The following GPAM variants were observed in gnomAD, a reference collection of about 807,000 sequenced individuals.
GPAM encodes glycerol-3-phosphate acyltransferase 1, mitochondrial.
A neutral mutation model predicts 105.0 loss-of-function variants in GPAM; 56 were observed. That is an observed-to-expected ratio of 0.53 (90% CI 0.43 to 0.67). GPAM has a LOEUF of 0.67. Among genes scored for constraint, GPAM ranks in the 30% least tolerant of loss-of-function variants. The pLI is 0.00. For synonymous variants in GPAM, 368 were observed against 354.4 expected (o/e 1.04, Z -0.43); for missense variants, 855 against 989.8 (o/e 0.86, Z 1.83).
chr10:112,194,022 C>G (rs890384330), intron 1 of GPAM, among the ~76,000 whole-genome samples: 1 of 152,196 alleles, frequency 6.6e-6, no homozygotes, highest in African/African-American at 2.4e-5. Context: ...TAACAAACGT[C>G]TTAGTCTTGA....
upstream of GPAM, among the ~76,000 whole-genome samples, chr10:112,217,003 T>C (rs1847977978): frequency 6.6e-6 from 1 of 152,068 alleles, no homozygotes; most frequent in South Asian, 2.1e-4. Context: ...CTCATTGAAA[T>C]ATAATGCACA....
chr10:112,173,847 T>C lies in GPAM; in HGVS notation c.414-2A>G. On this transcript the variant is annotated splice_acceptor_variant, in intron 6 of 21. Transcript: ENST00000348367. LOFTEE classifies it high-confidence loss of function. ...ACTTCTGCAATTGCCTCTTGTACTC[T>C]GGTATGAAAATGGAAAAAGAGACAA... 7 of 1,609,394 alleles carry C rather than the reference T, an allele frequency of 4.3e-6. No individual in the cohort carries two copies. The highest frequency in any genetic ancestry group is 6.0e-6 in the Non-Finnish European group (7 of 1,175,726).
intron 5 of GPAM, among the ~76,000 whole-genome samples, chr10:112,176,113 T>C (rs986678887): frequency 2.0e-5 from 3 of 152,252 alleles, no homozygotes; most frequent in Non-Finnish European, 4.4e-5. Flanking sequence ...AAGATAAATT[T>C]GGAAGTCTTT....
chr10:112,170,767 C>A (rs1052632624), intron 9 of GPAM, among the ~76,000 whole-genome samples: 2 of 152,240 alleles, frequency 1.3e-5, no homozygotes, highest in African/African-American at 2.4e-5. Context: ...AGCTAGCTGT[C>A]TGTCTACATT....
chr10:112,170,749 G>A lies in GPAM; in HGVS notation c.794+1433C>T, dbSNP rs545804766. Among the ~76,000 whole-genome samples the A allele has an allele frequency of 7.3e-4, 111 of 152,240 alleles. 1 individual carries two copies. The highest frequency in any genetic ancestry group is 2.5e-3 in the African/African-American group (105 of 41,554). ...TCTACCCTGTAGAATCATATCACACGCTATTACAGCTAGCTGTCTGTCTAC... is the reference window on the plus strand; with the variant it reads ...TCTACCCTGTAGAATCATATCACACACTATTACAGCTAGCTGTCTGTCTAC... On this transcript the variant is annotated intron_variant, in intron 9 of 21. Coordinates refer to ENST00000348367, the MANE Select transcript of GPAM (RefSeq NM_001244949.2).
At chr10:112,167,161 A>G (rs17129577) in intron 11 of GPAM, among the ~76,000 whole-genome samples, 3,057 of 152,222 alleles carry the variant, frequency 0.02, 110 homozygotes, top group African/African-American at 0.07. Context: ...TTGTAAGCCT[A>G]TCACTTAATT....
chr10:112,177,946 T>G, intron 5 of GPAM, 38 bp downstream of exon 5: 1 of 1,099,252 alleles, frequency 9.1e-7, no homozygotes, highest in Non-Finnish European at 1.4e-6. Flanking sequence ...AAGTTTTTCT[T>G]TTGAGATGTA....
intron 12 of GPAM, among the ~76,000 whole-genome samples, chr10:112,165,558 C>T (rs1345033772): frequency 3.9e-5 from 6 of 152,144 alleles, no homozygotes; most frequent in Admixed American, 1.3e-4. Flanking sequence ...GGTGTGGTAG[C>T]GGGCACCTGT....
rs1300583218 is a variant in GPAM, at chr10:112,172,977, G to C, written c.650C>G (p.Ala217Gly). The C allele has an allele frequency of 1.3e-6, 2 of 1,562,184 alleles. No individual in the cohort carries two copies. The highest frequency in any genetic ancestry group is 4.5e-5 in the East Asian group (2 of 44,644). ...HKGQLEMVKA[A>G]TETNLPLLFL... Reference sequence around the variant, plus strand: ...ATTCACAGAAATTCTTGCCTCAGTTGCAGCTTTAACCATCTCAAGTTGACC... The same window carrying C: ...ATTCACAGAAATTCTTGCCTCAGTTCCAGCTTTAACCATCTCAAGTTGACC... The change falls in exon 8 of 22, where the codon GCA becomes GGA. Residue 217 changes from alanine to glycine, a missense_variant. Transcript: ENST00000348367.
chr10:112,225,859 T>C, the GPAM span, among the ~76,000 whole-genome samples: 1 of 152,198 alleles, frequency 6.6e-6, no homozygotes, highest in Non-Finnish European at 1.5e-5. Context: ...CGGTGTTCCC[T>C]TCATCTAGAA....
rs760357271 is a variant in GPAM at position 112,163,824 on chromosome 10, G to A, written c.1308-8C>T. On this transcript the variant is annotated splice_region_variant and splice_polypyrimidine_tract_variant and intron_variant, in intron 13 of 21. Transcript: ENST00000348367. The stretch of plus-strand genomic sequence containing the variant: ...TCAGCAGCATCACTGGGTCTAAAAA[G>A]TGTTTCAAAAATCAACACACAACCG... 6.9e-7 allele frequency: 1 copy of A among 1,444,644 alleles called. No homozygotes were observed. 89.5% of individuals were successfully genotyped at this position (1,444,644 alleles called of 1,614,324 possible).
chr10:112,164,797 G>A (rs1161852863), intron 12 of GPAM, among the ~76,000 whole-genome samples, 187 bp from the exon 13 acceptor site: 1 of 152,198 alleles, frequency 6.6e-6, no homozygotes, highest in Admixed American at 6.5e-5. Context: ...ATGCTGCTAA[G>A]CATGAAACTG....
In GPAM at chr10:112,168,453, T is replaced by C. The variant is rs761535562; in HGVS notation, c.966A>G (p.Gly322=). 43 of 1,612,694 alleles carry C rather than the reference T, an allele frequency of 2.7e-5. 1 individual carries two copies. The South Asian group carries it at 4.1e-4, about 15-fold the overall frequency. ...IFLEGTRSRS[G]KTSCARAGLL... ...GTCCTGCCCGAGCACAAGAGGTTTTTCCACTCCTAGAACGTGTGCCTTCCA... is the reference window on the plus strand; with the variant it reads ...GTCCTGCCCGAGCACAAGAGGTTTTCCCACTCCTAGAACGTGTGCCTTCCA... The change falls in exon 11 of 22, where the codon GGA becomes GGG. Residue 322 remains glycine, a synonymous_variant. Transcript: ENST00000348367.
At chr10:112,161,625 C>G in intron 15 of GPAM, 42 bp downstream of exon 15, 1 of 1,517,816 alleles carries the variant, frequency 6.6e-7, no homozygotes, top group Non-Finnish European at 9.1e-7. Context: ...ACAAAACATT[C>G]TCCTGCTTCC....
Position 112,168,898 on chromosome 10 carries a change from T to C in GPAM, c.849A>G (p.Thr283=), listed in dbSNP as rs1358566586. The C allele has an allele frequency of 6.2e-7, 1 of 1,612,528 alleles. No individual in the cohort carries two copies. The highest frequency in any genetic ancestry group is 1.7e-5 in the Admixed American group (1 of 60,026). The change falls in exon 10 of 22, where the codon ACA becomes ACG. Residue 283 remains threonine (T), a synonymous_variant. Coordinates refer to ENST00000348367, the MANE Select transcript of GPAM (RefSeq NM_001244949.2). ...AGAGAACATCTTTCCGTCCATCTGG[T>C]GTTTCATCGAGCCTTCGTCGTATGA... The part of the protein sequence containing the change: ...GFFIRRRLDE[T]PDGRKDVLYR...
chr10:112,153,723 C>A (rs1156890910), intron 21 of GPAM, 57 bp from the exon 22 acceptor site: 1 of 1,578,184 alleles, frequency 6.3e-7, no homozygotes, highest in Non-Finnish European at 8.6e-7. Flanking sequence ...AAAAAAATTT[C>A]CATTACCAAC....
chr10:112,174,020 T>C (rs1237733841), intron 6 of GPAM, among the ~76,000 whole-genome samples, 175 bp from the exon 7 acceptor site: 1 of 152,230 alleles, frequency 6.6e-6, no homozygotes, highest in Non-Finnish European at 1.5e-5. Flanking sequence ...ATCTATTAAA[T>C]ATTAAGAATA....
upstream of GPAM, among the ~76,000 whole-genome samples, chr10:112,186,935 A>G (rs977072473): frequency 2.0e-5 from 3 of 152,238 alleles, no homozygotes; most frequent in African/African-American, 7.2e-5. Flanking sequence ...AATAAAATGT[A>G]TGATGACAAC....
chr10:112,169,561 C>T (rs1417894223), intron 9 of GPAM, among the ~76,000 whole-genome samples: 2 of 152,196 alleles, frequency 1.3e-5, no homozygotes. Context: ...CTTTCTACAA[C>T]ACTAATTTTG....
Sources: gnomAD v4.1 joint callset for allele counts (sites outside exome capture counted in the v4.1 genomes callset) on GRCh38, gnomAD v4.1.1 for gene constraint, MANE v1.5 for transcripts, NCBI Gene and HGNC (gene_info 2026-07-23, HGNC 2026-07-21) for gene names.